Variants in ARL13A observed in about 807,000 individuals in gnomAD.
ARL13A encodes the protein ARF like GTPase 13A.
Under a neutral mutation model 19.1 loss-of-function variants are expected in ARL13A, and 16 were observed. The ratio of observed to expected loss-of-function variants is 0.84; its 90% CI spans 0.57 to 1.27. The LOEUF (loss-of-function observed/expected upper bound fraction) is 1.27, where lower values mean the gene tolerates loss of function less well. Among genes scored for constraint, ARL13A ranks in the 50% most tolerant of loss-of-function variants. ARL13A has a pLI of 0.00. For missense variants in ARL13A, 153 were observed against 186.4 expected (o/e 0.82, Z 1.04); for synonymous variants, 69 against 71.3 (o/e 0.97, Z 0.17).
chrX:100,986,375 G>A (rs2085935493), intron 4 of ARL13A, among the ~76,000 whole-genome samples: 1 of 111,665 alleles, frequency 9.0e-6, no homozygotes, highest in Non-Finnish European at 1.9e-5. Context: ...TGATAATGCA[G>A]GTGGCCAGTC....
chrX:100,973,554 A>G (rs1449748845), intron 1 of ARL13A, 122 bp from the exon 2 acceptor site: 3 of 926,138 alleles, frequency 3.2e-6, no homozygotes, highest in East Asian at 3.3e-5. Flanking sequence ...GAATGAAGTA[A>G]TAGACTTCTA....
chrX:100,987,813 G>A (rs1223359384), intron 6 of ARL13A, among the ~76,000 whole-genome samples: 1 of 111,576 alleles, frequency 9.0e-6, no homozygotes, highest in African/African-American at 3.3e-5. Flanking sequence ...ATCAGCATTA[G>A]AGCTTCCCCA....
intron 7 of ARL13A, 49 bp downstream of exon 7, chrX:100,988,332 G>A (rs2085965369): frequency 1.7e-6 from 2 of 1,202,257 alleles, no homozygotes. Flanking sequence ...CCCTGAACAC[G>A]TGGGCACCAA....
chrX:100,987,602 G>A (rs770920274), intron 6 of ARL13A, 46 bp downstream of exon 6: 2 of 1,181,643 alleles, frequency 1.7e-6, no homozygotes, highest in Non-Finnish European at 2.3e-6. Flanking sequence ...AAAGCTGCAG[G>A]GATCAGTCTT....
intron 3 of ARL13A, among the ~76,000 whole-genome samples, 154 bp downstream of exon 3, chrX:100,974,351 A>G (rs1046877752): frequency 2.8e-5 from 3 of 105,949 alleles, no homozygotes; most frequent in Non-Finnish European, 3.9e-5. Flanking sequence ...ACACACACAT[A>G]CTCTATCTCT....
chrX:100,987,547 C>T lies in ARL13A; in HGVS notation c.644C>T (p.Ser215Leu), dbSNP rs41307262. 0.13 allele frequency: 154,329 copies of T among 1,208,076 alleles called. 7,310 individuals are homozygous for T. Among genetic ancestry groups the T allele is most frequent in the African/African-American group, 0.22 (12,333 of 57,029 alleles). Residue 215 changes from serine (S) to leucine (L), a missense_variant, in exon 6 of 8, where the codon TCA (serine) becomes TTA (leucine). Coordinates refer to ENST00000450049, the MANE Select transcript of ARL13A (RefSeq NM_001162491.2). ...AACACAGGCTCTGGAGAAAGATGCT[C>T]ATCACACAGGTACTGAGATGCCGCT... Reference protein sequence around the residue: ...KNNTGSGERCSSHSFSTRTGM... With the variant: ...KNNTGSGERCLSHSFSTRTGM...
intron 7 of ARL13A, among the ~76,000 whole-genome samples, chrX:100,989,525 G>T (rs767250639): frequency 4.6e-5 from 5 of 108,279 alleles, no homozygotes; most frequent in African/African-American, 1.7e-4. Flanking sequence ...CAGGAGAATC[G>T]CTTGAACCCA....
chrX:100,986,652 G>T, intron 4 of ARL13A, 144 bp from the exon 5 acceptor site: 2 of 415,411 alleles, frequency 4.8e-6, no homozygotes, highest in Non-Finnish European at 8.5e-6. Context: ...ATCTCATTAG[G>T]TATGTCTTTA....
In ARL13A at chrX:100,985,368, T is replaced by C. The variant is rs753534672; in HGVS notation, c.131-299T>C. Among the ~76,000 whole-genome samples the C allele has an allele frequency of 2.7e-5, 3 of 111,839 alleles. No homozygotes were observed. In the East Asian group the frequency reaches 8.4e-4, roughly 31 times the overall value. ...GCAGTGGACACTCACTAAAGGTTAC[T>C]GAGCCAGGAGAGGATAGCATGGGTA... On this transcript the variant is annotated intron_variant, in intron 3 of 7. Coordinates refer to ENST00000450049, the MANE Select transcript of ARL13A (RefSeq NM_001162491.2).
At chrX:100,982,090 C>T (rs1024514651) in intron 3 of ARL13A, among the ~76,000 whole-genome samples, 1 of 110,955 alleles carries the variant, frequency 9.0e-6, no homozygotes, top group Non-Finnish European at 1.9e-5. Flanking sequence ...TTTAGACTAG[C>T]GCCTTTCAAA....
At chrX:100,990,062 T>C (rs1234986911) in intron 7 of ARL13A, among the ~76,000 whole-genome samples, 4 of 112,894 alleles carry the variant, frequency 3.5e-5, no homozygotes, top group African/African-American at 1.3e-4. Flanking sequence ...AATGGATACC[T>C]GGGACACAGA....
At chrX:100,974,265 C>A in intron 3 of ARL13A, 68 bp downstream of exon 3, 1 of 860,437 alleles carries the variant, frequency 1.2e-6, no homozygotes, top group Non-Finnish European at 1.7e-6. Flanking sequence ...GTGAAATAAT[C>A]CTTCCTTCCT....
intron 7 of ARL13A, among the ~76,000 whole-genome samples, chrX:100,988,864 A>C (rs992809919): frequency 2.1e-5 from 2 of 96,684 alleles, no homozygotes; most frequent in African/African-American, 8.4e-5. Context: ...ATATATATAT[A>C]TATATATATA....
rs927462313 is a variant in ARL13A, at chrX:100,980,501, G to A, written c.131-5166G>A. Among the ~76,000 whole-genome samples, 3 of 110,498 alleles carry A rather than the reference G, an allele frequency of 2.7e-5. No individual in the cohort carries two copies. In the Admixed American group the frequency reaches 2.9e-4, roughly 11 times the overall value. On this transcript the variant is annotated intron_variant, in intron 3 of 7. Transcript: ENST00000450049. ...CTTCAGGGCAGTGTGTTCCTTTCTGGCCCAAGATGAGTCTAGAAATGCCCT... is the reference window on the plus strand; with the variant it reads ...CTTCAGGGCAGTGTGTTCCTTTCTGACCCAAGATGAGTCTAGAAATGCCCT...
In ARL13A at chrX:100,985,711, ACAC is replaced by A. The variant is rs767983128; in HGVS notation, c.176_178del (p.Thr59_Leu60delinsIle). ...CCATTGCATGAAATCGGAACTGACT[ACAC>A]TTTTGTTAGATGAGTATGAACTTTC... On this transcript the variant is annotated inframe_deletion, in exon 4 of 8. Transcript: ENST00000450049. 3.3e-6 allele frequency: 4 copies of A among 1,210,925 alleles called. No individual in the cohort carries two copies. Among genetic ancestry groups the A allele is most frequent in the Middle Eastern group, 2.3e-4 (1 of 4,351 alleles).
At chrX:100,977,308 C>T (rs768052728) in intron 3 of ARL13A, among the ~76,000 whole-genome samples, 1 of 108,275 alleles carries the variant, frequency 9.2e-6, no homozygotes, top group Non-Finnish European at 1.9e-5. Context: ...ACCCATTAAC[C>T]ATCCCATTCC....
At position 100,985,806 on chromosome X, in the gene ARL13A, T is replaced by C. The variant is rs772666230; in HGVS notation, c.270T>C (p.His90=). 5.8e-6 allele frequency: 7 copies of C among 1,209,666 alleles called. No homozygotes were observed. In the South Asian group the frequency reaches 1.1e-4, roughly 18 times the overall value. Reference sequence around the variant, plus strand: ...GGCCAAACTACTATGCACAGGCCCATGGGCTTGTTTTCGTCCTGGATTCCA... The same window carrying C: ...GGCCAAACTACTATGCACAGGCCCACGGGCTTGTTTTCGTCCTGGATTCCA... ...EAWPNYYAQA[H]GLVFVLDSSD... Residue 90 remains histidine, a synonymous_variant, in exon 4 of 8, where the codon CAT becomes CAC. Transcript: ENST00000450049.
chrX:100,984,654 C>T (rs1247154765), intron 3 of ARL13A, among the ~76,000 whole-genome samples: 1 of 112,240 alleles, frequency 8.9e-6, no homozygotes, highest in African/African-American at 3.2e-5. Flanking sequence ...TAAGGTAATA[C>T]AGACATCCTC....
At chrX:100,978,727 T>G (rs1424711012) in intron 3 of ARL13A, among the ~76,000 whole-genome samples, 2 of 110,788 alleles carry the variant, frequency 1.8e-5, no homozygotes, top group African/African-American at 6.6e-5. Context: ...TACTGTCACC[T>G]TGTTATTTGC....
Sources: gnomAD v4.1 joint callset for allele counts (sites outside exome capture counted in the v4.1 genomes callset) on GRCh38, gnomAD v4.1.1 for gene constraint, MANE v1.5 for transcripts, NCBI Gene and HGNC (gene_info 2026-07-23, HGNC 2026-07-21) for gene names.